RTKN2: variants seen among roughly 807,000 people sequenced by gnomAD.
RTKN2 encodes the protein rhotekin 2, also known as rhotekin-2.
RTKN2 carries 69 observed loss-of-function variants against 71.5 expected under a neutral mutation model. That is an observed-to-expected ratio of 0.96 (90% CI 0.79 to 1.18). The LOEUF (loss-of-function observed/expected upper bound fraction) is 1.18, where lower values mean the gene tolerates loss of function less well. Ranked by LOEUF, RTKN2 falls within the 50% of genes most tolerant of loss-of-function variation. The pLI, the probability that RTKN2 is intolerant of heterozygous loss-of-function variation, is 0.00. For synonymous variants in RTKN2, 236 were observed against 236.5 expected (o/e 1.00, Z 0.02); for missense variants, 724 against 719.7 (o/e 1.01, Z -0.07).
At chr10:62,233,459 G>A (rs1482257559) in intron 6 of RTKN2, among the ~76,000 whole-genome samples, 1 of 152,002 alleles carries the variant, frequency 6.6e-6, no homozygotes, top group Non-Finnish European at 1.5e-5. Context: ...AAGGTCTCTT[G>A]CCTCCTTTTA....
chr10:62,239,985 T>C (rs768355036), intron 4 of RTKN2, among the ~76,000 whole-genome samples: 9 of 152,050 alleles, frequency 5.9e-5, no homozygotes, highest in Non-Finnish European at 1.3e-4. Flanking sequence ...TAAAGTTAAA[T>C]ATACAGGCCT....
intron 1 of RTKN2, among the ~76,000 whole-genome samples, chr10:62,264,737 A>C (rs966365245): frequency 6.6e-6 from 1 of 152,204 alleles, no homozygotes; most frequent in Non-Finnish European, 1.5e-5. Context: ...CTGGCTGCAT[A>C]TTAGAATCAT....
chr10:62,262,861 A>C (rs755205496), intron 1 of RTKN2, 40 bp from the exon 2 acceptor site: 1 of 1,363,766 alleles, frequency 7.3e-7, no homozygotes. Context: ...GCAAAAACCC[A>C]AAATTACATC....
intron 6 of RTKN2, among the ~76,000 whole-genome samples, chr10:62,225,421 T>C (rs1004002090): frequency 6.6e-6 from 1 of 152,208 alleles, no homozygotes. Context: ...AAATGACCAG[T>C]TGTCTCTACA....
chr10:62,225,863 G>A (rs371566272), intron 6 of RTKN2, among the ~76,000 whole-genome samples: 2 of 150,694 alleles, frequency 1.3e-5, no homozygotes, highest in African/African-American at 4.9e-5. Context: ...CTCACTGCAA[G>A]CTCCGCCTTC....
chr10:62,195,677 A>C lies in RTKN2; in HGVS notation c.*2231T>G, dbSNP rs1173160525. 2 of 980,374 alleles carry C rather than the reference A, an allele frequency of 2.0e-6. No individual in the cohort carries two copies. The highest frequency in any genetic ancestry group is 3.5e-5 in the African/African-American group (2 of 56,880). 60.7% of individuals were successfully genotyped at this position (980,374 alleles called of 1,614,324 possible). On this transcript the variant is annotated 3_prime_UTR_variant, in exon 12 of 12. Coordinates refer to ENST00000373789, the MANE Select transcript of RTKN2 (RefSeq NM_145307.4). The stretch of plus-strand genomic sequence containing the variant: ...AAGGAAGGAAGGAAGGAAGGAAACC[A>C]ACTCTGTATTATAACTACACTCCTT...
At chr10:62,184,390 G>C (rs1356973870) in intron 8 of RTKN2, 1 of 1,519,404 alleles carries the variant, frequency 6.6e-7, no homozygotes, top group African/African-American at 1.4e-5. Flanking sequence ...CTATTATTCT[G>C]AAAAACAAAA....
At chr10:62,198,486 G>A in intron 11 of RTKN2, 43 bp from the exon 12 acceptor site, 1 of 1,302,864 alleles carries the variant, frequency 7.7e-7, no homozygotes, top group South Asian at 1.5e-5. Context: ...AAATTCAAAA[G>A]CAGTATGTAC....
At chr10:62,221,088 C>T (rs1308086977) in intron 7 of RTKN2, among the ~76,000 whole-genome samples, 1 of 147,988 alleles carries the variant, frequency 6.8e-6, no homozygotes, top group African/African-American at 2.5e-5. Context: ...AAGTAGTGCA[C>T]AGAAACATGT....
intron 10 of RTKN2, among the ~76,000 whole-genome samples, chr10:62,201,033 T>C (rs1049470801): frequency 1.3e-5 from 2 of 152,198 alleles, no homozygotes; most frequent in African/African-American, 4.8e-5. Flanking sequence ...ATACTTATTG[T>C]GCACCTGCAT....
chr10:62,201,896 G>A (rs1317372271), intron 10 of RTKN2, among the ~76,000 whole-genome samples: 1 of 151,858 alleles, frequency 6.6e-6, no homozygotes, highest in Non-Finnish European at 1.5e-5. Context: ...TGAAAACAAG[G>A]GCGCAATATG....
intron 11 of RTKN2, among the ~76,000 whole-genome samples, chr10:62,199,520 C>T (rs1172325775): frequency 6.6e-6 from 1 of 152,096 alleles, no homozygotes. Context: ...CATTTTAAGC[C>T]TTAAATTTTT....
chr10:62,187,470 C>A (rs1841155470), intron 8 of RTKN2, among the ~76,000 whole-genome samples: 2 of 152,062 alleles, frequency 1.3e-5, no homozygotes, highest in South Asian at 4.1e-4. Flanking sequence ...CCTCTCCTTT[C>A]CTTTTGTGTA....
In RTKN2 at chr10:62,196,011, A is replaced by C. The variant is rs765584439; in HGVS notation, c.*1897T>G. The stretch of plus-strand genomic sequence containing the variant: ...GACAAGAATATAATCTGGAAGTTTT[A>C]ATACTGATTTGTAATAAAGGAAGGC... On this transcript the variant is annotated 3_prime_UTR_variant, in exon 12 of 12. Transcript: ENST00000373789. The C allele has an allele frequency of 2.6e-5, 26 of 984,810 alleles. No homozygotes were observed. The highest frequency in any genetic ancestry group is 1.8e-4 in the Admixed American group (3 of 16,244). 61.0% of individuals were successfully genotyped at this position (984,810 alleles called of 1,614,324 possible).
At chr10:62,187,132 G>A (rs892521714) in intron 8 of RTKN2, among the ~76,000 whole-genome samples, 8 of 152,024 alleles carry the variant, frequency 5.3e-5, no homozygotes, top group African/African-American at 1.9e-4. Flanking sequence ...GGGCTGCTTT[G>A]CTGCCTAATA....
chr10:62,197,982 G>A lies in RTKN2; in HGVS notation c.1756C>T (p.Pro586Ser). Residue 586 changes from proline (P) to serine (S), a missense_variant, in exon 12 of 12, where the codon CCA (proline) becomes TCA (serine). Coordinates refer to ENST00000373789, the MANE Select transcript of RTKN2 (RefSeq NM_145307.4). ...TDTKTNFEAK[P>S]VPAPRQKSIK... is the part of the protein sequence containing the mutation. The stretch of plus-strand genomic sequence containing the variant: ...GATTTCTGCCTTGGAGCTGGCACTG[G>A]CTTGGCTTCAAAATTGGTTTTAGTG... 6.2e-7 allele frequency: 1 copy of A among 1,614,000 alleles called. No individual in the cohort carries two copies. Among genetic ancestry groups the A allele is most frequent in the Non-Finnish European group, 8.5e-7 (1 of 1,179,954 alleles).
At chr10:62,202,977 A>T (rs1310661280) in intron 10 of RTKN2, among the ~76,000 whole-genome samples, 1 of 152,128 alleles carries the variant, frequency 6.6e-6, no homozygotes, top group Non-Finnish European at 1.5e-5. Flanking sequence ...CCTGACCAAC[A>T]TGGAGAAATC....
At chr10:62,189,861 T>C (rs369350715), downstream of RTKN2, among the ~76,000 whole-genome samples, 153 of 151,824 alleles carry the variant, frequency 1.0e-3, 2 homozygotes, top group African/African-American at 3.4e-3. Context: ...CCTTTTTTTT[T>C]TTCTTCATTT....
intron 4 of RTKN2, among the ~76,000 whole-genome samples, chr10:62,240,103 C>T (rs984980796): frequency 2.6e-5 from 4 of 152,002 alleles, no homozygotes; most frequent in Non-Finnish European, 5.9e-5. Context: ...GGCATGCAAG[C>T]GTGCACACAC....
Sources: allele counts gnomAD v4.1 joint callset (sites outside exome capture counted in the v4.1 genomes callset), GRCh38; gene constraint gnomAD v4.1.1; transcripts MANE v1.5; gene names NCBI Gene and HGNC (gene_info 2026-07-23, HGNC 2026-07-21).